Variants in TPH2 observed in about 807,000 individuals in gnomAD.
TPH2 encodes the protein tryptophan hydroxylase 2.
Under a neutral mutation model 59.1 loss-of-function variants are expected in TPH2, and 27 were observed. That is an observed-to-expected ratio of 0.46 (90% CI 0.34 to 0.63). TPH2 has a LOEUF of 0.63. Ranked by LOEUF, TPH2 falls within the 30% of genes least tolerant of loss-of-function variation. The pLI is 0.01. For synonymous variants in TPH2, 220 were observed against 210.5 expected (o/e 1.05, Z -0.39); for missense variants, 523 against 588.3 (o/e 0.89, Z 1.15).
At chr12:71,996,586 G>T (rs1015828689) in intron 8 of TPH2, among the ~76,000 whole-genome samples, 1 of 152,054 alleles carries the variant, frequency 6.6e-6, no homozygotes, top group Non-Finnish European at 1.5e-5. Context: ...CCTTGATCAC[G>T]GAGCAAGATA....
At chr12:71,967,473 G>A (rs930294037) in intron 5 of TPH2, among the ~76,000 whole-genome samples, 6 of 152,090 alleles carry the variant, frequency 3.9e-5, no homozygotes, top group African/African-American at 7.2e-5. Flanking sequence ...GTTCCATATC[G>A]ATGCTCATAC....
intron 5 of TPH2, among the ~76,000 whole-genome samples, chr12:71,959,510 T>C (rs1450886983): frequency 6.6e-6 from 1 of 152,220 alleles, no homozygotes; most frequent in South Asian, 2.1e-4. Flanking sequence ...AAGAGGCATT[T>C]GCAATTATTG....
At chr12:72,014,376 AT>A (rs905504732) in intron 8 of TPH2, among the ~76,000 whole-genome samples, 37 of 145,036 alleles carry the variant, frequency 2.6e-4, no homozygotes, top group East Asian at 1.0e-3. Flanking sequence ...TAGTCCCAGA[AT>A]TTTTTTTTTC....
intron 6 of TPH2, 120 bp downstream of exon 6, chr12:71,972,835 G>C: frequency 8.9e-7 from 1 of 1,128,116 alleles, no homozygotes; most frequent in Non-Finnish European, 1.3e-6. Context: ...AAAAATTGTT[G>C]GCTTTGAGCC....
At chr12:72,011,435 G>T (rs1055407614) in intron 8 of TPH2, among the ~76,000 whole-genome samples, 2 of 152,206 alleles carry the variant, frequency 1.3e-5, no homozygotes, top group Non-Finnish European at 2.9e-5. Context: ...AGAAAAAATA[G>T]CATCTCTCTG....
chr12:71,942,432 G>C (rs2139176994), intron 2 of TPH2, among the ~76,000 whole-genome samples: 1 of 152,242 alleles, frequency 6.6e-6, no homozygotes, highest in East Asian at 1.9e-4. Context: ...CCTTACAAAT[G>C]CATTTTGTTT....
chr12:71,995,017 A>G (rs1872660670), intron 8 of TPH2, among the ~76,000 whole-genome samples: 1 of 152,204 alleles, frequency 6.6e-6, no homozygotes. Context: ...AGTAAAAGGT[A>G]TACATATATG....
chr12:72,011,772 A>G (rs1034233565), intron 8 of TPH2, among the ~76,000 whole-genome samples: 3 of 152,178 alleles, frequency 2.0e-5, no homozygotes, highest in Non-Finnish European at 4.4e-5. Context: ...TATAGGAGCT[A>G]CCTGCCAACC....
chr12:71,944,237 C>T, intron 2 of TPH2, 57 bp from the exon 3 acceptor site: 6 of 1,584,348 alleles, frequency 3.8e-6, no homozygotes, highest in Non-Finnish European at 5.2e-6. Flanking sequence ...AAGAAAAGCT[C>T]ATGGCATTCC....
intron 5 of TPH2, among the ~76,000 whole-genome samples, chr12:71,953,884 G>T (rs1189785868): frequency 1.3e-5 from 2 of 152,172 alleles, no homozygotes; most frequent in Non-Finnish European, 2.9e-5. Context: ...GAGAAAGATG[G>T]AGTATGGATA....
At position 71,938,893 on chromosome 12, in the gene TPH2, C is replaced by A; in HGVS notation, c.-94C>A. 9.4e-7 allele frequency: 1 copy of A among 1,064,942 alleles called. No homozygotes were observed. Among genetic ancestry groups the A allele is most frequent in the Non-Finnish European group, 1.5e-6 (1 of 688,090 alleles). The allele number at this position is 1,064,942 out of a possible 1,614,324, so 66.0% of individuals were successfully genotyped here. Reference sequence around the variant, plus strand: ...TCTGGACAGCGCCCCAAGCAGGCAGCTGATCGCACGCCCCTTCCTCTCAAT... The same window carrying A: ...TCTGGACAGCGCCCCAAGCAGGCAGATGATCGCACGCCCCTTCCTCTCAAT... On this transcript the variant is annotated 5_prime_UTR_variant, in exon 1 of 11. The change creates a new upstream start codon in the 5' untranslated region. Transcript: ENST00000333850.
At chr12:71,945,917 A>G (rs1012034468) in intron 4 of TPH2, among the ~76,000 whole-genome samples, 1 of 152,238 alleles carries the variant, frequency 6.6e-6, no homozygotes, top group Non-Finnish European at 1.5e-5. Flanking sequence ...TTTTCCAGTA[A>G]TTCACATGTA....
chr12:71,974,682 G>C (rs749066998), intron 6 of TPH2, among the ~76,000 whole-genome samples: 7 of 151,998 alleles, frequency 4.6e-5, no homozygotes, highest in Non-Finnish European at 1.0e-4. Flanking sequence ...CATCCTTGGG[G>C]GGCCATTACT....
chr12:71,984,437 A>T (rs1047863350), intron 7 of TPH2, among the ~76,000 whole-genome samples: 12 of 152,126 alleles, frequency 7.9e-5, no homozygotes, highest in African/African-American at 2.9e-4. Context: ...GAAAAATATG[A>T]ATTTTTTCTT....
intron 7 of TPH2, among the ~76,000 whole-genome samples, chr12:71,993,949 C>G (rs1872636077): frequency 6.6e-6 from 1 of 152,192 alleles, no homozygotes; most frequent in African/African-American, 2.4e-5. Flanking sequence ...CTACTCAACT[C>G]TGCAGTGTGA....
At chr12:71,940,696 G>C (rs1871033315) in intron 1 of TPH2, among the ~76,000 whole-genome samples, 2 of 152,172 alleles carry the variant, frequency 1.3e-5, no homozygotes, top group African/African-American at 4.8e-5. Flanking sequence ...CCTAAATAAA[G>C]TTTCCAGCTT....
intron 7 of TPH2, among the ~76,000 whole-genome samples, chr12:71,980,836 A>G (rs1171403685): frequency 1.3e-5 from 2 of 152,226 alleles, no homozygotes; most frequent in East Asian, 1.9e-4. Flanking sequence ...CATTTTTACC[A>G]AAGTACTTTC....
At chr12:71,964,726 G>A in intron 5 of TPH2, 1 of 985,340 alleles carries the variant, frequency 1.0e-6, no homozygotes, top group Non-Finnish European at 1.2e-6. Context: ...CCTCAGTTGT[G>A]AGACATGCAA....
At position 71,944,446 on chromosome 12, in the gene TPH2, T is replaced by C. The variant is rs1274684582; in HGVS notation, c.408T>C (p.Asn136=). Residue 136 remains asparagine, a synonymous_variant, in exon 3 of 11, where the codon AAT becomes AAC. Transcript: ENST00000333850. ...LKFQTTIVTL[N]PPENIWTEEE... is the part of the protein sequence containing the mutation. ...TTCAAACCACTATTGTGACGCTGAA[T>C]CCTCCAGAGAACATTTGGACAGAGG... The C allele has an allele frequency of 6.8e-6, 11 of 1,613,842 alleles. No homozygotes were observed. The highest frequency in any genetic ancestry group is 1.7e-5 in the Admixed American group (1 of 59,984).
Sources: gnomAD v4.1 joint callset for allele counts (sites outside exome capture counted in the v4.1 genomes callset) on GRCh38, gnomAD v4.1.1 for gene constraint, MANE v1.5 for transcripts, NCBI Gene and HGNC (gene_info 2026-07-23, HGNC 2026-07-21) for gene names.